Variants in AKAP9 observed in about 807,000 individuals in gnomAD.
The protein encoded by AKAP9 is A-kinase anchor protein 9.
A neutral mutation model predicts 488.5 loss-of-function variants in AKAP9; 311 were observed. That is an observed-to-expected ratio of 0.64 (90% CI 0.58 to 0.70). The LOEUF is 0.70. Ranked by LOEUF, AKAP9 falls within the 30% of genes least tolerant of loss-of-function variation. The pLI, the probability that AKAP9 is intolerant of heterozygous loss-of-function variation, is 0.00. For missense variants in AKAP9, 4,215 were observed against 4,374.5 expected (o/e 0.96, Z 1.03); for synonymous variants, 1,462 against 1,483.5 (o/e 0.99, Z 0.33).
At position 92,002,933 on chromosome 7, in the gene AKAP9, G is replaced by A. The variant is rs776587164; in HGVS notation, c.3016G>A (p.Ala1006Thr). Residue 1006 changes from alanine (A) to threonine (T), a missense_variant, in exon 8 of 50, where the codon GCA becomes ACA. Physicochemically the swap from Ala to Thr is moderately conservative, Grantham distance 58 (BLOSUM62 0). This residue lies in a region of AKAP9 where 2,361 missense variants were observed against 2,430.0 expected (regional missense o/e 0.97). Transcript: ENST00000356239. ...AGAAATCATTATTAACCACAACAGG[G>A]CAGAAAATGTACAGTCATGTGATAC... ...ELEIIINHNR[A>T]ENVQSCDTQV... 3 of 1,611,842 alleles carry A rather than the reference G, an allele frequency of 1.9e-6. No individual in the cohort carries two copies. Among genetic ancestry groups the A allele is most frequent in the East Asian group, 2.2e-5 (1 of 44,826 alleles).
intron 27 of AKAP9, 140 bp downstream of exon 27, chr7:92,070,346 C>A: frequency 1.0e-6 from 1 of 982,782 alleles, no homozygotes; most frequent in Non-Finnish European, 1.6e-6. Context: ...TTCTTATTTC[C>A]AAATGTTGCT....
At position 92,102,488 on chromosome 7, in the gene AKAP9, T is replaced by TACTACTACC. The variant is rs1263143023; in HGVS notation, c.11098-104_11098-103insTACTACCAC. 4,963 of 538,756 alleles carry TACTACTACC rather than the reference T, an allele frequency of 9.2e-3. 15 individuals carry two copies. Among genetic ancestry groups the TACTACTACC allele is most frequent in the Non-Finnish European group, 0.013 (3,855 of 307,812 alleles). 33.4% of individuals were successfully genotyped at this position (538,756 alleles called of 1,614,324 possible). On this transcript the variant is annotated intron_variant, in intron 45 of 49. Transcript: ENST00000356239. ...CTACTACTACTACTACTACTACTACTACCACCACCACCACCACTACTTGTT... is the reference window on the plus strand; with the variant it reads ...CTACTACTACTACTACTACTACTACTACTACTACCACCACCACCACCACCACTACTTGTT...
At chr7:92,059,949 A>G (rs966712470) in intron 22 of AKAP9, among the ~76,000 whole-genome samples, 1 of 151,942 alleles carries the variant, frequency 6.6e-6, no homozygotes, top group Non-Finnish European at 1.5e-5. Context: ...TTTAAAATGT[A>G]TGATTAATTT....
chr7:92,079,060 C>T lies in AKAP9; in HGVS notation c.6946-19C>T. On this transcript the variant is annotated intron_variant, in intron 30 of 49. Coordinates refer to ENST00000356239, the MANE Select transcript of AKAP9 (RefSeq NM_005751.5). ...AATACATATATATTATGTATGTTACCTTTTTCATTAATTATTAGGTTATTG... is the reference window on the plus strand; with the variant it reads ...AATACATATATATTATGTATGTTACTTTTTTCATTAATTATTAGGTTATTG... The T allele has an allele frequency of 6.6e-7, 1 of 1,524,896 alleles. No individual in the cohort carries two copies. Among genetic ancestry groups the T allele is most frequent in the East Asian group, 2.4e-5 (1 of 41,474 alleles). 94.5% of individuals were successfully genotyped at this position (1,524,896 alleles called of 1,614,324 possible). A position where few individuals can be genotyped will look rare whatever the true frequency, so the allele number is the denominator to read the frequency against.
At chr7:92,009,870 A>G (rs564542713) in intron 8 of AKAP9, among the ~76,000 whole-genome samples, 27 of 152,066 alleles carry the variant, frequency 1.8e-4, no homozygotes, top group Admixed American at 7.9e-4. Flanking sequence ...CATATGATAA[A>G]TTTTATTTTT....
intron 1 of AKAP9, among the ~76,000 whole-genome samples, chr7:91,956,124 G>A (rs2130489783): frequency 6.6e-6 from 1 of 151,918 alleles, no homozygotes; most frequent in African/African-American, 2.4e-5. Flanking sequence ...ATGGAGGCTG[G>A]GCGCGGTGGC....
chr7:92,029,337 A>G (rs1279219018), intron 14 of AKAP9, among the ~76,000 whole-genome samples: 1 of 152,220 alleles, frequency 6.6e-6, no homozygotes, highest in African/African-American at 2.4e-5. Flanking sequence ...ACTAGAGGTA[A>G]ACATTGTTAC....
In AKAP9 at chr7:92,001,863, G is replaced by T. The variant is rs758729015; in HGVS notation, c.1946G>T (p.Arg649Leu). 1 of 1,612,984 alleles carries T rather than the reference G, an allele frequency of 6.2e-7. No homozygotes were observed. Among genetic ancestry groups the T allele is most frequent in the Admixed American group, 1.7e-5 (1 of 59,920 alleles). ...KLKEDLEIEH[R>L]INIEKLKDNL... ...AAGGAAGATTTAGAAATTGAACATC[G>T]AATAAATATTGAAAAACTTAAAGAT... The change falls in exon 8 of 50, where the codon CGA (arginine) becomes CTA (leucine). Residue 649 changes from arginine to leucine, a missense_variant. Around this residue, in one of 5 missense-constraint regions of AKAP9, gnomAD observed 2,361 missense variants for 2,430.0 expected, o/e 0.97. Transcript: ENST00000356239.
In AKAP9 at chr7:92,110,514, G is replaced by T. The variant is rs1368789234; in HGVS notation, c.*355G>T. ...AGGTGTCCTGCACTTTTCTTATAAG[G>T]CTACTGAAGTTACATGTTTTGCCTA... On this transcript the variant is annotated 3_prime_UTR_variant, in exon 50 of 50. Coordinates refer to ENST00000356239, the MANE Select transcript of AKAP9 (RefSeq NM_005751.5). 1.0e-5 allele frequency: 3 copies of T among 287,780 alleles called. No homozygotes were observed. The highest frequency in any genetic ancestry group is 1.1e-4 in the East Asian group (2 of 18,274). The allele number at this position is 287,780 out of a possible 1,614,324, so 17.8% of individuals were successfully genotyped here.
intron 10 of AKAP9, among the ~76,000 whole-genome samples, chr7:92,014,608 A>C (rs1260132135): frequency 6.6e-6 from 1 of 152,148 alleles, no homozygotes; most frequent in Non-Finnish European, 1.5e-5. Context: ...CAGCCTGGGT[A>C]ACAGAGTGGG....
At chr7:92,067,935 C>T (rs965769114) in intron 26 of AKAP9, among the ~76,000 whole-genome samples, 1 of 152,166 alleles carries the variant, frequency 6.6e-6, no homozygotes, top group Non-Finnish European at 1.5e-5. Context: ...ATTTCTGAAA[C>T]AATTTTTATT....
chr7:92,026,537 G>T lies in AKAP9; in HGVS notation c.4149-3358G>T, dbSNP rs183535132. On this transcript the variant is annotated intron_variant, in intron 14 of 49. Coordinates refer to ENST00000356239, the MANE Select transcript of AKAP9 (RefSeq NM_005751.5). ...TTTGGTGGAGATGGGGTTTCGCCATGTTGGCTGGGCTGGTCTCCAGCTCCT... is the reference window on the plus strand; with the variant it reads ...TTTGGTGGAGATGGGGTTTCGCCATTTTGGCTGGGCTGGTCTCCAGCTCCT... Among the ~76,000 whole-genome samples the T allele has an allele frequency of 2.0e-5, 3 of 152,232 alleles. No individual in the cohort carries two copies. The East Asian group carries it at 5.8e-4, about 29-fold the overall frequency.
chr7:91,962,148 A>G (rs1032140265), intron 1 of AKAP9, among the ~76,000 whole-genome samples: 3 of 152,324 alleles, frequency 2.0e-5, no homozygotes, highest in Middle Eastern at 3.4e-3. Context: ...TGATTACCTA[A>G]TTGAGTAGAA....
chr7:92,052,843 G>A lies in AKAP9; in HGVS notation c.5486G>A (p.Gly1829Asp), dbSNP rs1808213425. Residue 1829 changes from glycine (G) to aspartate (D), a missense_variant, in exon 22 of 50, where the codon GGT becomes GAT. Gly to Asp is a moderately conservative substitution (Grantham distance 94). Transcript: ENST00000356239. ...TELSQRLVRS[G>D]FAGTEIDPEN... The stretch of plus-strand genomic sequence containing the variant: ...CTGTCACAACGACTTGTGAGGAGTG[G>A]TTTTGCTGGAACTGAAATAGACCCT... 2 of 1,613,692 alleles carry A rather than the reference G, an allele frequency of 1.2e-6. No homozygotes were observed. The highest frequency in any genetic ancestry group is 1.3e-5 in the African/African-American group (1 of 74,880).
At position 91,993,025 on chromosome 7, in the gene AKAP9, G is replaced by C; in HGVS notation, c.546G>C (p.Arg182Ser). ...TAAACAGAGAGCTGGAAGAAATGAGGGTTACCTATGGGACTGAAGGACTGC... is the reference window on the plus strand; with the variant it reads ...TAAACAGAGAGCTGGAAGAAATGAGCGTTACCTATGGGACTGAAGGACTGC... The part of the protein sequence containing the change: ...EELNRELEEM[R>S]VTYGTEGLQQ... Residue 182 changes from arginine to serine, a missense_variant, in exon 5 of 50, where the codon AGG (arginine) becomes AGC (serine). Physicochemically the swap from Arg to Ser is moderately radical, Grantham distance 110. Around this residue, in one of 5 missense-constraint regions of AKAP9, gnomAD observed 2,361 missense variants for 2,430.0 expected, o/e 0.97. Transcript: ENST00000356239. 6.2e-7 allele frequency: 1 copy of C among 1,613,918 alleles called. No homozygotes were observed. The highest frequency in any genetic ancestry group is 8.5e-7 in the Non-Finnish European group (1 of 1,179,934).
chr7:92,096,647 A>G (rs1264747032), intron 40 of AKAP9, 42 bp from the exon 41 acceptor site: 1 of 1,610,426 alleles, frequency 6.2e-7, no homozygotes, highest in African/African-American at 1.3e-5. Flanking sequence ...AAGTATTTTT[A>G]ATAATATTAA....
Position 91,941,063 on chromosome 7 carries a change from T to TCAACCCCTGTC in AKAP9, c.-27_-26insCCAACCCCTGT. On this transcript the variant is annotated 5_prime_UTR_variant, in exon 1 of 50. Transcript: ENST00000356239. ...TTTCCTTTCTATCCCCAACCACCCCTCAACCCCTGTTTTCCCCTGCCTTCC... is the reference window on the plus strand; with the variant it reads ...TTTCCTTTCTATCCCCAACCACCCCTCAACCCCTGTCCAACCCCTGTTTTCCCCTGCCTTCC... 1 of 1,600,382 alleles carries TCAACCCCTGTC rather than the reference T, an allele frequency of 6.2e-7. No homozygotes were observed. Among genetic ancestry groups the TCAACCCCTGTC allele is most frequent in the South Asian group, 1.1e-5 (1 of 90,756 alleles).
At chr7:92,027,883 C>T (rs1285441772) in intron 14 of AKAP9, among the ~76,000 whole-genome samples, 1 of 152,104 alleles carries the variant, frequency 6.6e-6, no homozygotes, top group Non-Finnish European at 1.5e-5. Context: ...AAAGAGAGAT[C>T]AGATTGTTAC....
chr7:91,972,487 G>A (rs956113059), intron 1 of AKAP9, among the ~76,000 whole-genome samples: 1 of 152,168 alleles, frequency 6.6e-6, no homozygotes, highest in Admixed American at 6.5e-5. Flanking sequence ...GGCAGATTAG[G>A]AGAATGGGAA....
Sources: allele counts gnomAD v4.1 joint callset (sites outside exome capture counted in the v4.1 genomes callset), GRCh38; gene constraint gnomAD v4.1.1; regional missense constraint gnomAD v4.1.1; transcripts MANE v1.5; gene names NCBI Gene and HGNC (gene_info 2026-07-23, HGNC 2026-07-21).